Variants in VPS37A observed in about 807,000 individuals in gnomAD.
VPS37A encodes the protein vacuolar protein sorting-associated protein 37A.
A neutral mutation model predicts 49.8 loss-of-function variants in VPS37A; 30 were observed. That is an observed-to-expected ratio of 0.60 (90% confidence interval 0.45 to 0.82). VPS37A has a LOEUF of 0.82. Among genes scored for constraint, VPS37A ranks in the 40% least tolerant of loss-of-function variants. The pLI, the probability that VPS37A is intolerant of heterozygous loss-of-function variation, is 0.00. For synonymous variants in VPS37A, 195 were observed against 160.6 expected, an observed-to-expected ratio of 1.21 and a Z score of -1.62; for missense variants, 593 against 464.4, an observed-to-expected ratio of 1.28 and a Z score of -2.55.
chr8:17,311,467 G>A, the VPS37A span: 1 of 1,612,910 alleles, frequency 6.2e-7, no homozygotes, highest in Non-Finnish European at 8.5e-7. Flanking sequence ...GTCCATTCCT[G>A]GTCAAGGCAC....
chr8:17,302,703 A>ACCC (rs35520166), downstream of VPS37A, among the ~76,000 whole-genome samples: 134 of 10,360 alleles, frequency 0.013, 35 homozygotes, highest in South Asian at 0.033. Context: ...ATTGGCAATA[A>ACCC]CCCCCCCCCC....
intron 11 of VPS37A, among the ~76,000 whole-genome samples, chr8:17,288,655 A>C (rs931999330): frequency 6.6e-6 from 1 of 152,080 alleles, no homozygotes; most frequent in Non-Finnish European, 1.5e-5. Flanking sequence ...AGTCTTTGCT[A>C]TTGTGAATAG....
At chr8:17,268,834 C>T (rs372699479) in intron 3 of VPS37A, 22 bp from the exon 4 acceptor site, 165 of 1,463,400 alleles carry the variant, frequency 1.1e-4, no homozygotes, top group Middle Eastern at 8.9e-4. Context: ...TGATTTTAAG[C>T]GTCATGTATT....
chr8:17,319,529 T>C, the VPS37A span, among the ~76,000 whole-genome samples: 25 of 152,300 alleles, frequency 1.6e-4, no homozygotes, highest in Admixed American at 3.3e-4. Context: ...TGCCACCACA[T>C]CATGGCTACC....
At chr8:17,260,447 G>C (rs1329341228) in intron 1 of VPS37A, among the ~76,000 whole-genome samples, 2 of 152,018 alleles carry the variant, frequency 1.3e-5, no homozygotes, top group Non-Finnish European at 2.9e-5. Flanking sequence ...GTTTTTGATA[G>C]ATTTTTATTT....
chr8:17,296,971 A>G lies in VPS37A; in HGVS notation c.*1985A>G, dbSNP rs539243954. 6.6e-6 allele frequency: 1 copy of G among 152,316 alleles called. No individual in the cohort carries two copies. The highest frequency in any genetic ancestry group is 1.9e-4 in the East Asian group (1 of 5,180). 9.4% of individuals were successfully genotyped at this position (152,316 alleles called of 1,614,324 possible). A position where few individuals can be genotyped will look rare whatever the true frequency, so the allele number is the denominator to read the frequency against. The stretch of plus-strand genomic sequence containing the variant: ...AAGGTTATGTATGTCACCCACGATG[A>G]AAAGAATCTGCATTTGAATATGCCC... On this transcript the variant is annotated 3_prime_UTR_variant, in exon 12 of 12. Coordinates refer to ENST00000324849, the MANE Select transcript of VPS37A (RefSeq NM_152415.3).
downstream of VPS37A, among the ~76,000 whole-genome samples, chr8:17,301,230 G>C (rs4921745): frequency 0.045 from 6,889 of 152,324 alleles, 215 homozygotes; most frequent in Non-Finnish European, 0.068. Flanking sequence ...GTGGAGCAGA[G>C]AGAGGCAGAG....
intron 1 of VPS37A, among the ~76,000 whole-genome samples, chr8:17,251,022 T>A (rs1009467782): frequency 6.6e-6 from 1 of 152,146 alleles, no homozygotes; most frequent in Admixed American, 6.5e-5. Flanking sequence ...TAGAACTAAT[T>A]CTGTTTCTTA....
chr8:17,285,044 C>G (rs1395513517), intron 10 of VPS37A, among the ~76,000 whole-genome samples: 2 of 150,828 alleles, frequency 1.3e-5, no homozygotes, highest in Non-Finnish European at 2.9e-5. Context: ...TTGTGCTGAT[C>G]TGGAAAAAAA....
intron 6 of VPS37A, chr8:17,279,734 C>T (rs1320782239): frequency 2.1e-6 from 1 of 479,958 alleles, no homozygotes; most frequent in Non-Finnish European, 4.1e-6. Context: ...CACTGTATAA[C>T]TGTGAACACT....
chr8:17,276,603 G>T lies in VPS37A; in HGVS notation c.713+136G>T, dbSNP rs1814536822. 7.0e-6 allele frequency: 6 copies of T among 851,322 alleles called. No individual in the cohort carries two copies. The Admixed American group carries it at 2.0e-4, about 28-fold the overall frequency. The allele number at this position is 851,322 out of a possible 1,614,324, so 52.7% of individuals were successfully genotyped here. ...AACAATATTGTTGTTGCCTTAGTGG[G>T]ATTTAAAAATCAGTTTTAGGTCCTA... On this transcript the variant is annotated intron_variant, in intron 6 of 11. Transcript: ENST00000324849.
intron 1 of VPS37A, among the ~76,000 whole-genome samples, chr8:17,255,228 C>G (rs769256157): frequency 1.3e-5 from 2 of 152,182 alleles, no homozygotes; most frequent in Non-Finnish European, 2.9e-5. Flanking sequence ...CGCCTGTAAT[C>G]CCAGCACTTT....
rs1265521588 is a variant in VPS37A at position 17,296,105 on chromosome 8, T to C, written c.*1119T>C. 6.6e-6 allele frequency: 1 copy of C among 152,228 alleles called. No individual in the cohort carries two copies. Among genetic ancestry groups the C allele is most frequent in the Admixed American group, 6.5e-5 (1 of 15,282 alleles). The allele number at this position is 152,228 out of a possible 1,614,324, so 9.4% of individuals were successfully genotyped here. ...TGCTTAAATTTCATCCCAGTATGAT[T>C]GTCTTCCCAACACCAGCATATAGTA... On this transcript the variant is annotated 3_prime_UTR_variant, in exon 12 of 12. Transcript: ENST00000324849.
At chr8:17,279,488 C>T (rs1814833586) in intron 6 of VPS37A, among the ~76,000 whole-genome samples, 1 of 152,068 alleles carries the variant, frequency 6.6e-6, no homozygotes, top group African/African-American at 2.4e-5. Flanking sequence ...CAACATTATG[C>T]TTGGAAGAAA....
the VPS37A span, chr8:17,313,174 G>T: frequency 1.6e-6 from 1 of 635,816 alleles, no homozygotes; most frequent in Non-Finnish European, 2.7e-6. Context: ...TACAAAGCTG[G>T]CTATCCAGTC....
At chr8:17,303,655 G>A (rs1024785599), downstream of VPS37A, among the ~76,000 whole-genome samples, 1 of 150,030 alleles carries the variant, frequency 6.7e-6, no homozygotes, top group Admixed American at 6.7e-5. Flanking sequence ...TGTTGCCCAG[G>A]CTGGAGTGCA....
At chr8:17,320,895 C>T in the VPS37A span, among the ~76,000 whole-genome samples, 1 of 152,188 alleles carries the variant, frequency 6.6e-6, no homozygotes, top group Non-Finnish European at 1.5e-5. Context: ...GGCCATGCCC[C>T]AAAGTGTTCA....
chr8:17,269,447 G>C (rs1031703160), intron 4 of VPS37A, among the ~76,000 whole-genome samples: 2 of 151,886 alleles, frequency 1.3e-5, no homozygotes, highest in Admixed American at 1.3e-4. Flanking sequence ...TATTTGGTTT[G>C]GTTTTGTTTT....
the VPS37A span, among the ~76,000 whole-genome samples, chr8:17,319,995 A>G: frequency 2.6e-5 from 4 of 152,236 alleles, no homozygotes; most frequent in African/African-American, 7.2e-5. Flanking sequence ...AGTGTAAAAT[A>G]TGAATCAAAT....
Sources: gnomAD v4.1 joint callset for allele counts (sites outside exome capture counted in the v4.1 genomes callset) on GRCh38, gnomAD v4.1.1 for gene constraint, MANE v1.5 for transcripts, NCBI Gene and HGNC (gene_info 2026-07-23, HGNC 2026-07-21) for gene names.